The following IQGAP1 variants were observed in gnomAD, a reference collection of about 807,000 sequenced individuals.
IQGAP1 encodes IQ motif containing GTPase activating protein 1, also known as ras GTPase-activating-like protein IQGAP1.
Under a neutral mutation model 215.6 loss-of-function variants are expected in IQGAP1, and 66 were observed. That is an observed-to-expected ratio of 0.31 (90% CI 0.25 to 0.38). The LOEUF (loss-of-function observed/expected upper bound fraction) is 0.38. Among genes scored for constraint, IQGAP1 ranks in the 10% least tolerant of loss-of-function variants. The pLI is 1.00. For missense variants in IQGAP1, 1,712 were observed against 1,997.1 expected (o/e 0.86, Z 2.72); for synonymous variants, 772 against 728.7 (o/e 1.06, Z -0.96).
intron 1 of IQGAP1, 48 bp downstream of exon 1, chr15:90,388,444 C>A: frequency 6.9e-7 from 1 of 1,456,606 alleles, no homozygotes; most frequent in Non-Finnish European, 9.2e-7. Context: ...GGGCTAATTG[C>A]AGACGAGGCG....
chr15:90,408,212 A>G (rs1470934126), intron 2 of IQGAP1, among the ~76,000 whole-genome samples: 2 of 152,172 alleles, frequency 1.3e-5, no homozygotes, highest in Admixed American at 6.5e-5. Flanking sequence ...GCTTGGGGAT[A>G]TTGTTAAGTT....
At chr15:90,414,580 A>T (rs896772257) in intron 2 of IQGAP1, among the ~76,000 whole-genome samples, 2 of 152,010 alleles carry the variant, frequency 1.3e-5, no homozygotes, top group Non-Finnish European at 2.9e-5. Flanking sequence ...CGTGATTGCC[A>T]TTGTGTGATT....
chr15:90,441,757 A>C (rs1965454363), intron 8 of IQGAP1, 73 bp downstream of exon 8: 2 of 1,085,158 alleles, frequency 1.8e-6, no homozygotes, highest in African/African-American at 3.2e-5. Context: ...CAGTTTAAAC[A>C]TCAGTTTTAT....
At chr15:90,391,186 C>T (rs151292844) in intron 2 of IQGAP1, 3 of 241,686 alleles carry the variant, frequency 1.2e-5, no homozygotes, top group South Asian at 5.1e-5. Context: ...AGCAGTGAGC[C>T]GTGCTCTCAC....
intron 18 of IQGAP1, among the ~76,000 whole-genome samples, chr15:90,472,461 A>G (rs1965919194): frequency 6.6e-6 from 1 of 152,124 alleles, no homozygotes; most frequent in Non-Finnish European, 1.5e-5. Flanking sequence ...GCATTGTGAC[A>G]TTCTAGGGGT....
chr15:90,474,994 CTTTT>C (rs771704265), intron 23 of IQGAP1: 683 of 119,202 alleles, frequency 5.7e-3, no homozygotes, highest in South Asian at 0.018. Flanking sequence ...TGATTTTTGG[CTTTT>C]TTTTTTTTTT....
rs747816026 is a variant in IQGAP1 at position 90,482,281 on chromosome 15, G to A, written c.3555G>A (p.Lys1185=). The A allele has an allele frequency of 6.2e-7, 1 of 1,614,108 alleles. No individual in the cohort carries two copies. The highest frequency in any genetic ancestry group is 8.5e-7 in the Non-Finnish European group (1 of 1,179,960). The change falls in exon 28 of 38, where the codon AAG becomes AAA. Residue 1185 remains lysine (K), a splice_region_variant and synonymous_variant. Transcript: ENST00000268182. ...ATGCTGGTGAGGATGAGCTGCTGAA[G>A]GTAAGAATCTCATAGCCGGCAGACT... is the stretch of plus-strand genomic sequence containing the variant. ...FPDAGEDELL[K]IIGNLLYYRY...
At chr15:90,492,445 G>A in intron 34 of IQGAP1, 100 bp from the exon 35 acceptor site, 2 of 703,744 alleles carry the variant, frequency 2.8e-6, no homozygotes, top group Non-Finnish European at 4.2e-6. Flanking sequence ...AAAAAAAGTA[G>A]GTAGTCATAT....
In IQGAP1 at chr15:90,431,471, C is replaced by T. The variant is rs1288302742; in HGVS notation, c.390+1805C>T. Among the ~76,000 whole-genome samples, 7 of 152,306 alleles carry T rather than the reference C, an allele frequency of 4.6e-5. No homozygotes were observed. In the East Asian group the frequency reaches 7.7e-4, roughly 17 times the overall value. ...TGCCAGTGGGCAATGACAATAACCTCATTTGAATGTTACTAAGAGCTTTGT... is the reference window on the plus strand; with the variant it reads ...TGCCAGTGGGCAATGACAATAACCTTATTTGAATGTTACTAAGAGCTTTGT... On this transcript the variant is annotated intron_variant, in intron 4 of 37. Transcript: ENST00000268182.
intron 19 of IQGAP1, 166 bp from the exon 20 acceptor site, chr15:90,473,549 G>A (rs1176830707): frequency 5.0e-6 from 3 of 597,174 alleles, no homozygotes; most frequent in Non-Finnish European, 9.0e-6. Context: ...TTCTTCCAGT[G>A]GAGGGATGGC....
chr15:90,497,040 C>A, intron 36 of IQGAP1, 192 bp from the exon 37 acceptor site: 1 of 478,466 alleles, frequency 2.1e-6, no homozygotes, highest in Non-Finnish European at 3.7e-6. Flanking sequence ...CCATTCCTCT[C>A]TCCAAGTCCC....
At chr15:90,486,559 GT>G (rs35648452) in intron 31 of IQGAP1, 1,633 of 159,048 alleles carry the variant, frequency 0.01, no homozygotes, top group South Asian at 0.029. Context: ...CTCCTGAGTT[GT>G]TTTTTTTTTT....
At position 90,501,972 on chromosome 15, in the gene IQGAP1, A is replaced by G. The variant is rs1385231197; in HGVS notation, c.*1864A>G. 6.6e-6 allele frequency: 1 copy of G among 152,508 alleles called. No individual in the cohort carries two copies. Among genetic ancestry groups the G allele is most frequent in the Non-Finnish European group, 1.5e-5 (1 of 68,042 alleles). 9.4% of individuals were successfully genotyped at this position (152,508 alleles called of 1,614,324 possible). On this transcript the variant is annotated 3_prime_UTR_variant, in exon 38 of 38. Coordinates refer to ENST00000268182, the MANE Select transcript of IQGAP1 (RefSeq NM_003870.4). ...TGTAAAATGCGCTTCAAGAATGTTGATGATGATGATATAGAATTGTGGCTT... is the reference window on the plus strand; with the variant it reads ...TGTAAAATGCGCTTCAAGAATGTTGGTGATGATGATATAGAATTGTGGCTT...
At chr15:90,436,063 CT>C (rs61513362) in intron 5 of IQGAP1, among the ~76,000 whole-genome samples, 22,537 of 137,062 alleles carry the variant, frequency 0.16, 2,495 homozygotes, top group East Asian at 0.49. Context: ...CCCTGCTTGC[CT>C]TTTTTTTTTT....
rs1426130428 is a variant in IQGAP1 at position 90,388,262 on chromosome 15, C to T, written c.-80C>T. The T allele has an allele frequency of 1.3e-6, 2 of 1,516,830 alleles. No homozygotes were observed. The highest frequency in any genetic ancestry group is 1.8e-6 in the Non-Finnish European group (2 of 1,114,582). The allele number at this position is 1,516,830 out of a possible 1,614,324, so 94.0% of individuals were successfully genotyped here. ...TCGGGGACCCCGGCAAGCCCGCGCACTTGGCAGGAGCTGTAGCTACCGCCG... is the reference window on the plus strand; with the variant it reads ...TCGGGGACCCCGGCAAGCCCGCGCATTTGGCAGGAGCTGTAGCTACCGCCG... On this transcript the variant is annotated 5_prime_UTR_variant, in exon 1 of 38. Transcript: ENST00000268182.
At chr15:90,454,154 CAT>C (rs1965646553) in intron 13 of IQGAP1, among the ~76,000 whole-genome samples, 1 of 152,184 alleles carries the variant, frequency 6.6e-6, no homozygotes, top group African/African-American at 2.4e-5. Flanking sequence ...TTTATTAGCT[CAT>C]GTGTAGCCTT....
chr15:90,493,299 G>C (rs1966231047), intron 35 of IQGAP1, among the ~76,000 whole-genome samples: 1 of 152,056 alleles, frequency 6.6e-6, no homozygotes, highest in Non-Finnish European at 1.5e-5. Flanking sequence ...ATCATCTGCT[G>C]GTCCCAGAAT....
chr15:90,451,715 C>T (rs1299202852), intron 11 of IQGAP1, among the ~76,000 whole-genome samples: 2 of 151,978 alleles, frequency 1.3e-5, no homozygotes, highest in African/African-American at 4.8e-5. Context: ...CAAACCATAG[C>T]ACTGTCTTTT....
At chr15:90,471,829 G>A (rs1337297665) in intron 18 of IQGAP1, among the ~76,000 whole-genome samples, 2 of 109,558 alleles carry the variant, frequency 1.8e-5, no homozygotes. Flanking sequence ...TGCATACAGT[G>A]TTGCCCAGAA....
Sources: gnomAD v4.1 joint callset for allele counts (sites outside exome capture counted in the v4.1 genomes callset) on GRCh38, gnomAD v4.1.1 for gene constraint, MANE v1.5 for transcripts, NCBI Gene and HGNC (gene_info 2026-07-23, HGNC 2026-07-21) for gene names.